The following BANK1 variants were observed in gnomAD, a reference collection of about 807,000 sequenced individuals.
BANK1 encodes B cell scaffold protein with ankyrin repeats 1, also known as B-cell scaffold protein with ankyrin repeats.
BANK1 carries 95 observed loss-of-function variants against 94.5 expected under a neutral mutation model. The ratio of observed to expected loss-of-function variants is 1.00; its 90% CI spans 0.85 to 1.19. The LOEUF (loss-of-function observed/expected upper bound fraction) is 1.19, where lower values mean the gene tolerates loss of function less well. Ranked by LOEUF, BANK1 falls within the 50% of genes most tolerant of loss-of-function variation. The pLI is 0.00. For synonymous variants in BANK1, 334 were observed against 308.4 expected, an observed-to-expected ratio of 1.08 and a Z score of -0.87; for missense variants, 987 against 932.2, an observed-to-expected ratio of 1.06 and a Z score of -0.77.
chr4:102,047,146 A>G lies in BANK1; in HGVS notation c.1969+3239A>G, dbSNP rs76122686. On this transcript the variant is annotated intron_variant, in intron 11 of 16. Coordinates refer to ENST00000322953, the MANE Select transcript of BANK1 (RefSeq NM_017935.5). ...CTGAACTATTAAATACAGACCTTCA[A>G]TGGACCTGCTCCTAGGACATTATGA... 7.7e-3 allele frequency among the ~76,000 whole-genome samples: 1,179 copies of G among 152,224 alleles called. 17 individuals are homozygous for G. The highest frequency in any genetic ancestry group is 0.027 in the African/African-American group (1,137 of 41,548).
At position 101,848,893 on chromosome 4, in the gene BANK1, AT is replaced by A. The variant is rs371488172; in HGVS notation, c.470-6141del. Among the ~76,000 whole-genome samples, 637 of 152,198 alleles carry A rather than the reference AT, an allele frequency of 4.2e-3. 5 individuals are homozygous for A. Among genetic ancestry groups the A allele is most frequent in the African/African-American group, 0.015 (608 of 41,516 alleles). On this transcript the variant is annotated intron_variant, in intron 2 of 16. Transcript: ENST00000322953. Reference sequence around the variant, plus strand: ...AGGATCTTGTTTATGCCCTTCTAGCATCCTCCCACCTCTCCCTTTCAGCGAT... The same window carrying A: ...AGGATCTTGTTTATGCCCTTCTAGCACCTCCCACCTCTCCCTTTCAGCGAT...
At chr4:102,026,143 G>A (rs949870073) in intron 9 of BANK1, among the ~76,000 whole-genome samples, 3 of 152,168 alleles carry the variant, frequency 2.0e-5, no homozygotes, top group African/African-American at 7.2e-5. Flanking sequence ...AGGAATTGGG[G>A]TGTGGAAAGT....
chr4:101,853,147 T>C (rs1727554724), intron 2 of BANK1, among the ~76,000 whole-genome samples: 1 of 152,162 alleles, frequency 6.6e-6, no homozygotes, highest in African/African-American at 2.4e-5. Context: ...TGTTTTTCAT[T>C]TCAAACAAGA....
intron 2 of BANK1, among the ~76,000 whole-genome samples, chr4:101,854,733 C>G (rs1031411997): frequency 2.6e-5 from 4 of 151,962 alleles, no homozygotes; most frequent in Admixed American, 1.3e-4. Flanking sequence ...TACAGATCTA[C>G]TGTTTTAATA....
chr4:101,832,990 T>G (rs1327637001), intron 2 of BANK1, among the ~76,000 whole-genome samples: 1 of 152,082 alleles, frequency 6.6e-6, no homozygotes, highest in African/African-American at 2.4e-5. Context: ...TTCTTTCTTT[T>G]TTTTTTGAGA....
chr4:102,013,548 A>G (rs1054679560), intron 7 of BANK1, among the ~76,000 whole-genome samples: 2 of 152,064 alleles, frequency 1.3e-5, no homozygotes, highest in African/African-American at 2.4e-5. Context: ...TGGTGGCCCC[A>G]GGAGAATTTC....
At chr4:102,026,367 TA>T (rs112296070) in intron 9 of BANK1, among the ~76,000 whole-genome samples, 4,454 of 143,910 alleles carry the variant, frequency 0.031, 203 homozygotes, top group African/African-American at 0.1. Context: ...ACAATTTAGT[TA>T]AAAAAAAAAA....
intron 1 of BANK1, among the ~76,000 whole-genome samples, chr4:101,811,117 T>C (rs2148854374): frequency 6.6e-6 from 1 of 152,264 alleles, no homozygotes; most frequent in South Asian, 2.1e-4. Context: ...CTGAAATGTT[T>C]TGTGAAACTT....
At chr4:101,975,039 A>G (rs537613657) in intron 7 of BANK1, among the ~76,000 whole-genome samples, 2 of 152,142 alleles carry the variant, frequency 1.3e-5, no homozygotes, top group Non-Finnish European at 2.9e-5. Flanking sequence ...ATGGCTTCCC[A>G]ATTGCTTAAC....
At chr4:101,851,553 G>A (rs940353671) in intron 2 of BANK1, among the ~76,000 whole-genome samples, 31 of 152,274 alleles carry the variant, frequency 2.0e-4, no homozygotes, top group Admixed American at 5.9e-4. Context: ...AAGGAGAGGG[G>A]AAGGATAATC....
chr4:102,052,306 T>G (rs1161039607), intron 11 of BANK1, among the ~76,000 whole-genome samples: 1 of 151,702 alleles, frequency 6.6e-6, no homozygotes, highest in African/African-American at 2.4e-5. Context: ...TTAGTAGAGA[T>G]AGGGTTTCAC....
chr4:101,879,596 C>T (rs554090338), intron 5 of BANK1, among the ~76,000 whole-genome samples: 55 of 151,972 alleles, frequency 3.6e-4, no homozygotes, highest in African/African-American at 1.1e-3. Flanking sequence ...ACTAATTCTA[C>T]GAGCCCTGTA....
intron 7 of BANK1, among the ~76,000 whole-genome samples, chr4:102,004,960 C>T (rs1044692215): frequency 6.6e-6 from 1 of 151,998 alleles, no homozygotes; most frequent in African/African-American, 2.4e-5. Context: ...AATATGTGAT[C>T]TCCTACATAG....
At chr4:102,008,084 G>A (rs932636399) in intron 7 of BANK1, among the ~76,000 whole-genome samples, 2 of 152,046 alleles carry the variant, frequency 1.3e-5, no homozygotes, top group African/African-American at 4.8e-5. Flanking sequence ...TCTCTTATGT[G>A]TCATCTGCCC....
intron 10 of BANK1, among the ~76,000 whole-genome samples, chr4:102,031,254 G>T (rs1727297658): frequency 6.6e-6 from 1 of 152,178 alleles, no homozygotes; most frequent in Non-Finnish European, 1.5e-5. Flanking sequence ...AGAAGTATCT[G>T]TTCATATCCT....
chr4:101,917,658 G>A (rs1175206900), intron 6 of BANK1, among the ~76,000 whole-genome samples: 1 of 151,776 alleles, frequency 6.6e-6, no homozygotes, highest in Non-Finnish European at 1.5e-5. Flanking sequence ...TTTAGCGTTT[G>A]GTTAATGTCT....
intron 5 of BANK1, among the ~76,000 whole-genome samples, chr4:101,890,158 G>A (rs1028393137): frequency 7.2e-5 from 11 of 152,144 alleles, no homozygotes; most frequent in Non-Finnish European, 1.5e-4. Context: ...AGTGGTCTAT[G>A]TATGTGGATT....
chr4:101,828,233 G>C (rs1278584216), intron 1 of BANK1, among the ~76,000 whole-genome samples: 1 of 150,984 alleles, frequency 6.6e-6, no homozygotes, highest in Non-Finnish European at 1.5e-5. Context: ...TCCATTATTA[G>C]CATATTTTCT....
chr4:101,980,408 A>G (rs1200000318), intron 7 of BANK1, among the ~76,000 whole-genome samples: 1 of 151,722 alleles, frequency 6.6e-6, no homozygotes, highest in Non-Finnish European at 1.5e-5. Context: ...TTATTTTTAC[A>G]TAATAAAATG....
Sources: gnomAD v4.1 joint callset for allele counts (sites outside exome capture counted in the v4.1 genomes callset) on GRCh38, gnomAD v4.1.1 for gene constraint, MANE v1.5 for transcripts, NCBI Gene and HGNC (gene_info 2026-07-23, HGNC 2026-07-21) for gene names.